The following RNASET2 variants were observed in gnomAD, a reference collection of about 807,000 sequenced individuals.
RNASET2 encodes the protein ribonuclease 6.
Under a neutral mutation model 33.9 loss-of-function variants are expected in RNASET2, and 28 were observed. That is an observed-to-expected ratio of 0.83 (90% CI 0.61 to 1.13). The LOEUF is 1.13. Among genes scored for constraint, RNASET2 ranks in the 50% most tolerant of loss-of-function variants. The pLI is 0.00. For synonymous variants in RNASET2, 123 were observed against 121.0 expected (o/e 1.02, Z -0.11); for missense variants, 330 against 319.9 (o/e 1.03, Z -0.24).
At chr6:166,949,205 A>C (rs1189413308) in intron 2 of RNASET2, among the ~76,000 whole-genome samples, 2 of 148,500 alleles carry the variant, frequency 1.3e-5, no homozygotes, top group African/African-American at 5.0e-5. Context: ...TCTCCAAAAA[A>C]AAAAAAAAAA....
intron 3 of RNASET2, among the ~76,000 whole-genome samples, chr6:166,947,982 G>C (rs954579957): frequency 6.6e-6 from 1 of 152,116 alleles, no homozygotes; most frequent in African/African-American, 2.4e-5. Flanking sequence ...AACCCCAAGA[G>C]AAGAACAAAA....
At chr6:166,931,678 A>G (rs111479959) in intron 7 of RNASET2, 3,597 of 169,072 alleles carry the variant, frequency 0.021, 128 homozygotes, top group African/African-American at 0.081. Flanking sequence ...CTACTGAGGG[A>G]GTCCTCCCCC....
rs1024957678 is a variant in RNASET2, at chr6:166,924,295, T to G, written c.*5293A>C. Reference sequence around the variant, plus strand: ...TTTGTATTTTTAGTAGAGATGGAGTTTCACCATACTGTCCAGGCTGGTCTC... The same window carrying G: ...TTTGTATTTTTAGTAGAGATGGAGTGTCACCATACTGTCCAGGCTGGTCTC... On this transcript the variant is annotated 3_prime_UTR_variant, in exon 9 of 9. Transcript: ENST00000508775. 2.6e-5 allele frequency among the ~76,000 whole-genome samples: 4 copies of G among 152,136 alleles called. No homozygotes were observed.
rs182844420 is a variant in RNASET2 at position 166,941,887 on chromosome 6, C to T, written c.332+1132G>A. Among the ~76,000 whole-genome samples, 336 of 152,050 alleles carry T rather than the reference C, an allele frequency of 2.2e-3. 1 individual carries two copies. Among genetic ancestry groups the T allele is most frequent in the South Asian group, 0.012 (57 of 4,822 alleles). ...TTTAACTTTATGTTCTTAAAAAAGC[C>T]AGGATTTTAAAAGCTATCTTGAATT... is the stretch of plus-strand genomic sequence containing the variant. On this transcript the variant is annotated intron_variant, in intron 5 of 8. Coordinates refer to ENST00000508775, the MANE Select transcript of RNASET2 (RefSeq NM_003730.6).
chr6:166,940,624 A>G (rs1778671898), intron 5 of RNASET2, among the ~76,000 whole-genome samples: 1 of 152,184 alleles, frequency 6.6e-6, no homozygotes, highest in African/African-American at 2.4e-5. Context: ...CTGGCTCACA[A>G]TAAACAGTAA....
At position 166,938,420 on chromosome 6, in the gene RNASET2, G is replaced by A. The variant is rs116517352; in HGVS notation, c.446+475C>T. On this transcript the variant is annotated intron_variant, in intron 6 of 8. Transcript: ENST00000508775. ...AATAGAGGTGAGGGCAGGCAGGGAC[G>A]ATTTAGGCAGGTTGGGGTCATTTCT... Among the ~76,000 whole-genome samples, 255 of 152,274 alleles carry A rather than the reference G, an allele frequency of 1.7e-3. 1 individual carries two copies. The highest frequency in any genetic ancestry group is 6.0e-3 in the African/African-American group (250 of 41,554).
At position 166,931,109 on chromosome 6, in the gene RNASET2, A is replaced by G. The variant is rs1447243603; in HGVS notation, c.502T>C (p.Phe168Leu). 1 of 1,606,256 alleles carries G rather than the reference A, an allele frequency of 6.2e-7. No homozygotes were observed. The highest frequency in any genetic ancestry group is 1.1e-5 in the South Asian group (1 of 90,938). Reference protein sequence around the residue: ...PSINYYQVADFKDALARVYGV... With the variant: ...PSINYYQVADLKDALARVYGV... ...TATACTCTGGCAAGGGCATCTTTAA[A>G]ATCTGCAACCTGATTTTAAATACAA... The change falls in exon 8 of 9, where the codon TTT becomes CTT. Residue 168 changes from phenylalanine to leucine, a missense_variant. Phe to Leu is a conservative substitution (Grantham distance 22). Transcript: ENST00000508775.
In RNASET2 at chr6:166,931,430, G is replaced by T. The variant is rs1025523824; in HGVS notation, c.493-312C>A. The stretch of plus-strand genomic sequence containing the variant: ...GGCCCCGAGCTGTCTCACCTGAAAC[G>T]CCACCTGCCACAGCCACCCTCATCC... On this transcript the variant is annotated intron_variant, in intron 7 of 8. Coordinates refer to ENST00000508775, the MANE Select transcript of RNASET2 (RefSeq NM_003730.6). 6.9e-6 allele frequency: 3 copies of T among 436,006 alleles called. 1 individual carries two copies. In the East Asian group the frequency reaches 1.3e-4, roughly 20 times the overall value. The allele number at this position is 436,006 out of a possible 1,614,324, so 27.0% of individuals were successfully genotyped here. A position where few individuals can be genotyped will look rare whatever the true frequency, so the allele number is the denominator to read the frequency against.
At chr6:166,951,759 T>C (rs1464404801) in intron 2 of RNASET2, among the ~76,000 whole-genome samples, 1 of 147,546 alleles carries the variant, frequency 6.8e-6, no homozygotes. Context: ...ATAATCTATT[T>C]CTAGTATAAC....
intron 2 of RNASET2, among the ~76,000 whole-genome samples, chr6:166,949,255 G>A (rs1363503548): frequency 7.1e-6 from 1 of 140,332 alleles, no homozygotes; most frequent in East Asian, 2.1e-4. Context: ...TGTAATCTCA[G>A]CACTTTGGGA....
rs558465720 is a variant in RNASET2, at chr6:166,927,597, C to T, written c.*1991G>A. Among the ~76,000 whole-genome samples, 1 of 152,086 alleles carries T rather than the reference C, an allele frequency of 6.6e-6. No individual in the cohort carries two copies. The highest frequency in any genetic ancestry group is 2.4e-5 in the African/African-American group (1 of 41,456). Reference sequence around the variant, plus strand: ...CTCTGAAGAGCTGCTTTCCTTGACCCCCCAAGGCTATAAAATAAATGCAAT... The same window carrying T: ...CTCTGAAGAGCTGCTTTCCTTGACCTCCCAAGGCTATAAAATAAATGCAAT... On this transcript the variant is annotated 3_prime_UTR_variant, in exon 9 of 9. Coordinates refer to ENST00000508775, the MANE Select transcript of RNASET2 (RefSeq NM_003730.6).
rs763295910 is a variant in RNASET2 at position 166,929,648 on chromosome 6, A to AC, written c.710dup (p.Leu238SerfsTer5). The AC allele has an allele frequency of 4.1e-5, 66 of 1,613,054 alleles. No homozygotes were observed. The highest frequency in any genetic ancestry group is 5.2e-5 in the Non-Finnish European group (61 of 1,179,742). On this transcript the variant is annotated frameshift_variant, in exon 9 of 9. Transcript: ENST00000508775. LOFTEE classifies it high-confidence loss of function. ...CTGGGCCATCTTCACAGACTCTCAG[A>AC]CCCCGGCTCTCGGCGGCCCCATTTG... is the stretch of plus-strand genomic sequence containing the variant.
chr6:166,930,614 GCA>G (rs1034564728), intron 8 of RNASET2, among the ~76,000 whole-genome samples: 32 of 122,092 alleles, frequency 2.6e-4, no homozygotes, highest in African/African-American at 8.0e-4. Context: ...GCATGTACAT[GCA>G]CACACAGCAC....
Position 166,927,793 on chromosome 6 carries a change from C to T in RNASET2, c.*1795G>A, listed in dbSNP as rs1348103834. Among the ~76,000 whole-genome samples, 1 of 150,972 alleles carries T rather than the reference C, an allele frequency of 6.6e-6. No individual in the cohort carries two copies. The highest frequency in any genetic ancestry group is 1.5e-5 in the Non-Finnish European group (1 of 67,964). On this transcript the variant is annotated 3_prime_UTR_variant, in exon 9 of 9. Transcript: ENST00000508775. ...TAAGAGTCCAACTCTAAAGTACACC[C>T]ACTCCCTGAGGACGCAGAGCAAATG...
At chr6:166,931,507 C>T (rs1202513081) in intron 7 of RNASET2, 2 of 287,942 alleles carry the variant, frequency 6.9e-6, no homozygotes, top group Admixed American at 4.8e-5. Context: ...CAGCCCTGTC[C>T]ACTCTGAAGT....
chr6:166,940,339 G>A (rs998563496), intron 5 of RNASET2, among the ~76,000 whole-genome samples: 1 of 152,146 alleles, frequency 6.6e-6, no homozygotes, highest in African/African-American at 2.4e-5. Context: ...CAAAATACTA[G>A]TTTTAAATAA....
At position 166,924,498 on chromosome 6, in the gene RNASET2, C is replaced by T. The variant is rs950610901; in HGVS notation, c.*5090G>A. The stretch of plus-strand genomic sequence containing the variant: ...CAGGTGCACTCATGGAGCACAGAAG[C>T]GAGTTGGACAAAGTCCGGGCCTTTG... On this transcript the variant is annotated 3_prime_UTR_variant, in exon 9 of 9. Transcript: ENST00000508775. Among the ~76,000 whole-genome samples the T allele has an allele frequency of 2.0e-5, 3 of 152,166 alleles. No homozygotes were observed. Among genetic ancestry groups the T allele is most frequent in the East Asian group, 1.9e-4 (1 of 5,198 alleles).
At position 166,929,243 on chromosome 6, in the gene RNASET2, C is replaced by T. The variant is rs1412797895; in HGVS notation, c.*345G>A. Among the ~76,000 whole-genome samples the T allele has an allele frequency of 6.6e-6, 1 of 152,090 alleles. No individual in the cohort carries two copies. The highest frequency in any genetic ancestry group is 1.5e-5 in the Non-Finnish European group (1 of 68,022). ...CCTGCGCCAAGAAGGCAACAGGCTC[C>T]GAGGGGAAAACTCGAGCAAGAGAGT... On this transcript the variant is annotated 3_prime_UTR_variant, in exon 9 of 9. Coordinates refer to ENST00000508775, the MANE Select transcript of RNASET2 (RefSeq NM_003730.6).
In RNASET2 at chr6:166,956,106, T is replaced by C. The variant is rs1318633889; in HGVS notation, c.77A>G (p.Lys26Arg). 4 of 1,552,098 alleles carry C rather than the reference T, an allele frequency of 2.6e-6. No individual in the cohort carries two copies. Among genetic ancestry groups the C allele is most frequent in the African/African-American group, 1.4e-5 (1 of 73,082 alleles). ...TCGCAAGGTAACTCACCGCAGGCGC[T>C]TGTCCGCACCGCCCAGGCAAAGCAA... ...LALLCLGGAD[K>R]RLRDNHEWKK... The change falls in exon 1 of 9, where the codon AAG becomes AGG. Residue 26 changes from lysine (K) to arginine (R), a missense_variant. Transcript: ENST00000508775.
Sources: allele counts gnomAD v4.1 joint callset (sites outside exome capture counted in the v4.1 genomes callset), GRCh38; gene constraint gnomAD v4.1.1; transcripts MANE v1.5; gene names NCBI Gene and HGNC (gene_info 2026-07-23, HGNC 2026-07-21).